Variants in DOCK3 observed in about 807,000 individuals in gnomAD.
The protein encoded by DOCK3 is dedicator of cytokinesis 3.
Under a neutral mutation model 265.6 loss-of-function variants are expected in DOCK3, and 60 were observed. That is an observed-to-expected ratio of 0.23 (90% CI 0.18 to 0.28). DOCK3 has a LOEUF of 0.28. DOCK3 is among the 10% of genes least tolerant of loss of function. The probability of loss-of-function intolerance (pLI) is 1.00; values close to 1 mark genes in which losing one functional copy is unlikely to be tolerated. For missense variants in DOCK3, 1,981 were observed against 2,594.3 expected (o/e 0.76, Z 5.14); for synonymous variants, 881 against 938.0 (o/e 0.94, Z 1.11).
intron 4 of DOCK3, among the ~76,000 whole-genome samples, chr3:50,912,019 A>T (rs2049880095): frequency 6.6e-6 from 1 of 152,018 alleles, no homozygotes; most frequent in Non-Finnish European, 1.5e-5. Flanking sequence ...TGGCAGGTTG[A>T]TGTTATATAC....
intron 1 of DOCK3, among the ~76,000 whole-genome samples, chr3:50,722,704 T>C (rs1312324075): frequency 6.6e-6 from 1 of 151,878 alleles, no homozygotes; most frequent in Non-Finnish European, 1.5e-5. Context: ...GTAATAAATA[T>C]ACTAAAGCCT....
chr3:50,855,812 A>G (rs1289971886), intron 3 of DOCK3, among the ~76,000 whole-genome samples: 3 of 152,034 alleles, frequency 2.0e-5, no homozygotes, highest in African/African-American at 4.8e-5. Flanking sequence ...TCCACTAGCT[A>G]TTCTTCCTGA....
intron 5 of DOCK3, among the ~76,000 whole-genome samples, chr3:51,036,015 G>A (rs929383304): frequency 7.9e-5 from 12 of 152,068 alleles, no homozygotes; most frequent in Non-Finnish European, 1.5e-4. Flanking sequence ...GCTTTTTTCA[G>A]AGTTTTAGCA....
intron 11 of DOCK3, among the ~76,000 whole-genome samples, chr3:51,159,512 TTG>T (rs1305654736): frequency 2.6e-5 from 4 of 152,148 alleles, no homozygotes; most frequent in African/African-American, 9.7e-5. Context: ...TGGGTTTTGT[TTG>T]TGTTTTTTAA....
chr3:51,083,585 T>G (rs1002524346), intron 7 of DOCK3, among the ~76,000 whole-genome samples: 52 of 152,094 alleles, frequency 3.4e-4, no homozygotes, highest in African/African-American at 1.1e-3. Flanking sequence ...CAAAGAGATA[T>G]GCATCATAGA....
At chr3:51,000,752 A>T (rs1427687838) in intron 5 of DOCK3, among the ~76,000 whole-genome samples, 1 of 152,092 alleles carries the variant, frequency 6.6e-6, no homozygotes. Context: ...TCCTGGGTTC[A>T]AGCGATTCTC....
intron 9 of DOCK3, among the ~76,000 whole-genome samples, chr3:51,103,591 A>G (rs2083164647): frequency 6.6e-6 from 1 of 152,220 alleles, no homozygotes; most frequent in Non-Finnish European, 1.5e-5. Flanking sequence ...GTTCAAAACA[A>G]TTCTCCAAAT....
intron 1 of DOCK3, among the ~76,000 whole-genome samples, chr3:50,730,991 G>T (rs958394078): frequency 4.4e-4 from 67 of 151,932 alleles, no homozygotes; most frequent in African/African-American, 1.6e-3. Flanking sequence ...AATTAGCTGG[G>T]CGTGGTGGTG....
At chr3:51,054,982 T>G (rs2081145497) in intron 5 of DOCK3, among the ~76,000 whole-genome samples, 1 of 152,244 alleles carries the variant, frequency 6.6e-6, no homozygotes, top group South Asian at 2.1e-4. Context: ...CCTTATTATA[T>G]GGTGTTCTTT....
chr3:51,297,969 G>C, intron 27 of DOCK3, among the ~76,000 whole-genome samples: 1 of 151,978 alleles, frequency 6.6e-6, no homozygotes, highest in South Asian at 2.1e-4. Context: ...CTGGGCAACA[G>C]AGTGAGACCC....
chr3:51,117,449 G>C (rs776576064), intron 9 of DOCK3, among the ~76,000 whole-genome samples: 33 of 152,212 alleles, frequency 2.2e-4, no homozygotes, highest in Non-Finnish European at 4.0e-4. Flanking sequence ...TCCCTGCCAG[G>C]TTTTGGTATA....
chr3:51,319,535 A>G (rs932098859), intron 32 of DOCK3, among the ~76,000 whole-genome samples: 2 of 152,090 alleles, frequency 1.3e-5, no homozygotes, highest in Non-Finnish European at 2.9e-5. Context: ...ACTTTTTCTA[A>G]TTATAGAACA....
chr3:51,305,733 C>CGTGTGTGTGTGTGTGT (rs202005379), intron 27 of DOCK3, among the ~76,000 whole-genome samples: 12 of 135,526 alleles, frequency 8.9e-5, no homozygotes, highest in African/African-American at 2.0e-4. Flanking sequence ...TGTGTGTGTG[C>CGTGTGTGTGTGTGTGT]GCGTGTGTGT....
At chr3:51,338,061 A>T (rs2084981675) in intron 35 of DOCK3, among the ~76,000 whole-genome samples, 1 of 152,004 alleles carries the variant, frequency 6.6e-6, no homozygotes, top group Admixed American at 6.5e-5. Context: ...TAATTCATAT[A>T]CCCTTTTGTG....
chr3:50,728,962 G>A (rs1294408072), intron 1 of DOCK3, among the ~76,000 whole-genome samples: 1 of 148,226 alleles, frequency 6.7e-6, no homozygotes, highest in Non-Finnish European at 1.5e-5. Flanking sequence ...GACCTCTAGT[G>A]ATCTGCCCGC....
chr3:50,699,413 A>C (rs1421527630), intron 1 of DOCK3, among the ~76,000 whole-genome samples: 1 of 150,340 alleles, frequency 6.7e-6, no homozygotes, highest in Non-Finnish European at 1.5e-5. Flanking sequence ...GTGTATTTTC[A>C]GATGGATTTT....
intron 24 of DOCK3, 103 bp from the exon 25 acceptor site, chr3:51,274,976 C>G: frequency 6.9e-7 from 1 of 1,458,942 alleles, no homozygotes; most frequent in Admixed American, 1.7e-5. Flanking sequence ...CTAGTCTGAA[C>G]CCCACCTGCT....
intron 49 of DOCK3, among the ~76,000 whole-genome samples, chr3:51,371,746 A>C (rs961668808): frequency 6.6e-6 from 1 of 152,220 alleles, no homozygotes; most frequent in Non-Finnish European, 1.5e-5. Flanking sequence ...ACCCATGGAC[A>C]CTGCTGTGAT....
At chr3:50,681,985 G>A (rs558780815) in intron 1 of DOCK3, among the ~76,000 whole-genome samples, 2 of 152,338 alleles carry the variant, frequency 1.3e-5, no homozygotes, top group East Asian at 3.9e-4. Flanking sequence ...TAGCTGTAAT[G>A]AGAACATTCT....
Sources: allele counts gnomAD v4.1 joint callset (sites outside exome capture counted in the v4.1 genomes callset), GRCh38; gene constraint gnomAD v4.1.1; transcripts MANE v1.5; gene names NCBI Gene and HGNC (gene_info 2026-07-23, HGNC 2026-07-21).